The following IL1RAPL1 variants were observed in gnomAD, a reference collection of about 807,000 sequenced individuals.
IL1RAPL1 encodes the protein interleukin-1 receptor accessory protein-like 1.
A neutral mutation model predicts 48.4 loss-of-function variants in IL1RAPL1; 3 were observed. The observed-to-expected ratio is 0.06, with a 90% CI of 0.03 to 0.16. The LOEUF is 0.16. Ranked by LOEUF, IL1RAPL1 falls within the 10% of genes least tolerant of loss-of-function variation. IL1RAPL1 has a pLI of 1.00. For missense variants in IL1RAPL1, 349 were observed against 530.6 expected (o/e 0.66, Z 3.36); for synonymous variants, 185 against 187.7 (o/e 0.99, Z 0.12).
chrX:29,921,669 C>T (rs1047769051), intron 8 of IL1RAPL1, among the ~76,000 whole-genome samples: 1 of 112,417 alleles, frequency 8.9e-6, no homozygotes, highest in Non-Finnish European at 1.9e-5. Context: ...CCTGCCATAA[C>T]ATCTTCTGAA....
chrX:29,024,093 G>A (rs1054745663), intron 2 of IL1RAPL1, among the ~76,000 whole-genome samples: 1 of 111,664 alleles, frequency 9.0e-6, no homozygotes, highest in African/African-American at 3.2e-5. Context: ...TTATTATCAT[G>A]CAGACAAATT....
intron 2 of IL1RAPL1, among the ~76,000 whole-genome samples, chrX:29,077,625 AAAAG>A (rs897146444): frequency 1.9e-5 from 2 of 107,526 alleles, no homozygotes; most frequent in African/African-American, 3.5e-5. Context: ...AAAAAAAAGA[AAAAG>A]AAAACCGAAA....
intron 6 of IL1RAPL1, among the ~76,000 whole-genome samples, chrX:29,882,817 G>A (rs893459306): frequency 1.8e-5 from 2 of 111,425 alleles, no homozygotes; most frequent in African/African-American, 6.5e-5. Flanking sequence ...CATTATTCAA[G>A]AATATGTCAC....
intron 5 of IL1RAPL1, among the ~76,000 whole-genome samples, chrX:29,613,399 A>G (rs7885960): frequency 0.024 from 2,661 of 110,912 alleles, 82 homozygotes; most frequent in African/African-American, 0.082. Flanking sequence ...AACCCTAGCC[A>G]CTTGCTCTTC....
chrX:28,727,804 G>C (rs1230178048), intron 1 of IL1RAPL1, among the ~76,000 whole-genome samples: 7 of 110,699 alleles, frequency 6.3e-5, no homozygotes, highest in African/African-American at 2.0e-4. Flanking sequence ...ATCATTCTCA[G>C]TAAACTATCG....
chrX:28,613,089 A>G (rs2146884251), intron 1 of IL1RAPL1, among the ~76,000 whole-genome samples: 1 of 112,153 alleles, frequency 8.9e-6, no homozygotes, highest in East Asian at 2.8e-4. Context: ...GTGTGCTTTA[A>G]AAGTGTTTCA....
chrX:29,493,822 C>T (rs907038744), intron 5 of IL1RAPL1, among the ~76,000 whole-genome samples: 5 of 110,913 alleles, frequency 4.5e-5, no homozygotes, highest in African/African-American at 1.3e-4. Context: ...AGCCCTTGTC[C>T]CCTTCCCCCA....
In IL1RAPL1 at chrX:28,921,927, G is replaced by T. The variant is rs1173602178; in HGVS notation, c.82+132502G>T. On this transcript the variant is annotated intron_variant, in intron 2 of 10. Transcript: ENST00000378993. Reference sequence around the variant, plus strand: ...CAAAGTAAGAAGCTTGGTTTGGAGTGAACAGGCCTTGTACTTTTGAGATTT... The same window carrying T: ...CAAAGTAAGAAGCTTGGTTTGGAGTTAACAGGCCTTGTACTTTTGAGATTT... Among the ~76,000 whole-genome samples, 4 of 111,758 alleles carry T rather than the reference G, an allele frequency of 3.6e-5. No homozygotes were observed. The East Asian group carries it at 1.1e-3, about 32-fold the overall frequency.
intron 2 of IL1RAPL1, among the ~76,000 whole-genome samples, chrX:28,999,105 A>G (rs1054166609): frequency 4.5e-5 from 5 of 111,309 alleles, no homozygotes; most frequent in South Asian, 3.8e-4. Flanking sequence ...GTTCATAATT[A>G]TGAGCTCTCT....
chrX:29,527,250 G>A (rs1004765013), intron 5 of IL1RAPL1, among the ~76,000 whole-genome samples: 1 of 102,614 alleles, frequency 9.7e-6, no homozygotes, highest in Non-Finnish European at 2.0e-5. Context: ...AAAACTAAAT[G>A]TACCAAGGAA....
At chrX:28,808,132 T>A (rs768775884) in intron 2 of IL1RAPL1, among the ~76,000 whole-genome samples, 176 of 111,572 alleles carry the variant, frequency 1.6e-3, no homozygotes, top group Non-Finnish European at 2.9e-3. Flanking sequence ...GCAGGTATTA[T>A]GAAGAAAAGG....
intron 2 of IL1RAPL1, among the ~76,000 whole-genome samples, chrX:29,189,239 C>T (rs1930309351): frequency 8.9e-6 from 1 of 112,080 alleles, no homozygotes; most frequent in Non-Finnish European, 1.9e-5. Flanking sequence ...GACTCAATCA[C>T]ACTTAAGTGT....
chrX:29,778,746 C>T (rs1041186899), intron 6 of IL1RAPL1, among the ~76,000 whole-genome samples: 1 of 111,847 alleles, frequency 8.9e-6, no homozygotes, highest in Non-Finnish European at 1.9e-5. Context: ...AGCAAAGAAG[C>T]CAAAAATTCA....
At chrX:29,330,298 G>C (rs756954949) in intron 3 of IL1RAPL1, among the ~76,000 whole-genome samples, 3 of 111,993 alleles carry the variant, frequency 2.7e-5, no homozygotes, top group South Asian at 3.7e-4. Context: ...CTACCTCATA[G>C]GTGTTAATTC....
intron 5 of IL1RAPL1, among the ~76,000 whole-genome samples, chrX:29,556,424 G>C (rs1922002934): frequency 9.0e-6 from 1 of 111,124 alleles, no homozygotes; most frequent in Non-Finnish European, 1.9e-5. Context: ...TGAGGAGGAT[G>C]GATTGCTCGA....
intron 5 of IL1RAPL1, among the ~76,000 whole-genome samples, chrX:29,562,921 G>A (rs1922286270): frequency 8.9e-6 from 1 of 111,891 alleles, no homozygotes; most frequent in African/African-American, 3.2e-5. Context: ...TGACCATTAT[G>A]ACTTATGCAT....
intron 1 of IL1RAPL1, among the ~76,000 whole-genome samples, chrX:28,674,818 G>A (rs1317739091): frequency 3.6e-5 from 4 of 111,625 alleles, no homozygotes; most frequent in Non-Finnish European, 5.6e-5. Context: ...CATGATTTAC[G>A]AATAATTGGA....
chrX:29,119,231 A>G (rs1481582070), intron 2 of IL1RAPL1, among the ~76,000 whole-genome samples: 1 of 111,415 alleles, frequency 9.0e-6, no homozygotes, highest in African/African-American at 3.3e-5. Context: ...AAGAACACAT[A>G]AACATTATAC....
intron 1 of IL1RAPL1, among the ~76,000 whole-genome samples, chrX:28,649,340 A>G (rs1379228642): frequency 1.8e-5 from 2 of 112,340 alleles, no homozygotes; most frequent in Admixed American, 9.4e-5. Flanking sequence ...TGAGTGTAAA[A>G]CCAGCTCCCA....
Sources: gnomAD v4.1 joint callset for allele counts (sites outside exome capture counted in the v4.1 genomes callset) on GRCh38, gnomAD v4.1.1 for gene constraint, MANE v1.5 for transcripts, NCBI Gene and HGNC (gene_info 2026-07-23, HGNC 2026-07-21) for gene names.